RARRES1: variants seen among roughly 807,000 people sequenced by gnomAD.
RARRES1 encodes retinoic acid receptor responder 1, also known as retinoic acid receptor responder protein 1.
A neutral mutation model predicts 30.6 loss-of-function variants in RARRES1; 34 were observed. The ratio of observed to expected loss-of-function variants is 1.11; its 90% CI spans 0.84 to 1.48. The LOEUF (loss-of-function observed/expected upper bound fraction) is 1.48, where lower values mean the gene tolerates loss of function less well. RARRES1 is among the 40% of genes most tolerant of loss of function. The probability of loss-of-function intolerance (pLI) is 0.00; values close to 1 mark genes in which losing one functional copy is unlikely to be tolerated. For missense variants in RARRES1, 373 were observed against 386.5 expected (o/e 0.97, Z 0.29); for synonymous variants, 153 against 155.5 (o/e 0.98, Z 0.12).
At chr3:158,704,756 CT>C in intron 4 of RARRES1, 34 bp downstream of exon 4, 1 of 1,604,522 alleles carries the variant, frequency 6.2e-7, no homozygotes, top group Non-Finnish European at 8.5e-7. Context: ...GATTGTAACT[CT>C]TGTGGCACAA....
In RARRES1 at chr3:158,711,771, T is replaced by A. The variant is rs577526617; in HGVS notation, c.340-838A>T. On this transcript the variant is annotated intron_variant, in intron 2 of 5. Transcript: ENST00000237696. ...CACCATGCCTGGCTAATTGTGTGTA[T>A]TTTTAGTAGAGATGGGGTTTCACTA... Among the ~76,000 whole-genome samples, 5 of 152,192 alleles carry A rather than the reference T, an allele frequency of 3.3e-5. No homozygotes were observed. In the South Asian group the frequency reaches 1.0e-3, roughly 32 times the overall value.
intron 3 of RARRES1, among the ~76,000 whole-genome samples, chr3:158,705,197 G>A (rs375205541): frequency 3.9e-5 from 6 of 152,202 alleles, no homozygotes; most frequent in East Asian, 1.9e-4. Flanking sequence ...TGAAGCCTAC[G>A]TTGTATCAAG....
chr3:158,698,182 ATGTC>A (rs1726610959), intron 4 of RARRES1: 1 of 521,712 alleles, frequency 1.9e-6, no homozygotes, highest in African/African-American at 1.9e-5. Context: ...GTCTGGTTGA[ATGTC>A]TGTCACTTTT....
At chr3:158,716,688 A>G (rs949121146) in intron 1 of RARRES1, among the ~76,000 whole-genome samples, 1 of 151,740 alleles carries the variant, frequency 6.6e-6, no homozygotes, top group East Asian at 1.9e-4. Context: ...GGTTCAAGCA[A>G]TTCTCCTGCC....
chr3:158,732,175 G>C lies in RARRES1; in HGVS notation c.241C>G (p.Arg81Gly). Residue 81 changes from arginine to glycine, a missense_variant, in exon 1 of 6, where the codon CGA (arginine) becomes GGA (glycine). Transcript: ENST00000237696. Reference protein sequence around the residue: ...NFRSGSPSALRVLAEVQEGRA... With the variant: ...NFRSGSPSALGVLAEVQEGRA... Reference sequence around the variant, plus strand: ...CCCTCCTGCACCTCGGCCAGCACTCGTAGCGCGCTGGGCGAGCCGGACCGG... The same window carrying C: ...CCCTCCTGCACCTCGGCCAGCACTCCTAGCGCGCTGGGCGAGCCGGACCGG... 2 of 1,416,208 alleles carry C rather than the reference G, an allele frequency of 1.4e-6. No homozygotes were observed. Among genetic ancestry groups the C allele is most frequent in the South Asian group, 1.5e-5 (1 of 66,472 alleles). The allele number at this position is 1,416,208 out of a possible 1,614,324, so 87.7% of individuals were successfully genotyped here. A position where few individuals can be genotyped will look rare whatever the true frequency, so the allele number is the denominator to read the frequency against.
At chr3:158,730,750 G>C (rs1293231077) in intron 1 of RARRES1, among the ~76,000 whole-genome samples, 2 of 145,458 alleles carry the variant, frequency 1.4e-5, no homozygotes, top group African/African-American at 5.1e-5. Context: ...CCATGCCCCA[G>C]CAGGTTGCCT....
At chr3:158,720,583 G>A (rs568175694) in intron 1 of RARRES1, among the ~76,000 whole-genome samples, 19 of 151,450 alleles carry the variant, frequency 1.3e-4, no homozygotes, top group African/African-American at 4.2e-4. Context: ...GGTGGCTGTC[G>A]ATCTTGGCAT....
rs116708982 is a variant in RARRES1, at chr3:158,708,504, A to G, written c.535+2234T>C. ...GGATTCATTGCTAGGAAGTTTGTAAATTCATTAGAAGTGAAACTTTCACTC... is the reference window on the plus strand; with the variant it reads ...GGATTCATTGCTAGGAAGTTTGTAAGTTCATTAGAAGTGAAACTTTCACTC... On this transcript the variant is annotated intron_variant, in intron 3 of 5. Transcript: ENST00000237696. Among the ~76,000 whole-genome samples the G allele has an allele frequency of 2.5e-3, 385 of 152,334 alleles. 3 individuals carry two copies. The highest frequency in any genetic ancestry group is 8.9e-3 in the African/African-American group (371 of 41,562).
chr3:158,718,134 A>G (rs1727384853), intron 1 of RARRES1, among the ~76,000 whole-genome samples: 1 of 152,038 alleles, frequency 6.6e-6, no homozygotes, highest in African/African-American at 2.4e-5. Flanking sequence ...ACATGCCACC[A>G]GGCCCAGCTA....
At position 158,697,667 on chromosome 3, in the gene RARRES1, A is replaced by AT. The variant is rs1726590254; in HGVS notation, c.*10dup. ...CTTGTTTAGAAGTCGGAAAAAGATC[A>AT]TTTTTTCTTTTTAGAAATTACTAAG... is the stretch of plus-strand genomic sequence containing the variant. On this transcript the variant is annotated 3_prime_UTR_variant, in exon 6 of 6. Transcript: ENST00000237696. 6.2e-7 allele frequency: 1 copy of AT among 1,600,480 alleles called. No homozygotes were observed. Among genetic ancestry groups the AT allele is most frequent in the Non-Finnish European group, 8.5e-7 (1 of 1,171,946 alleles).
At chr3:158,716,447 TTAAGA>T (rs745808963) in intron 1 of RARRES1, among the ~76,000 whole-genome samples, 15 of 152,198 alleles carry the variant, frequency 9.9e-5, no homozygotes, top group Non-Finnish European at 1.9e-4. Context: ...AATACAGGAC[TTAAGA>T]TATGATTTGA....
Position 158,704,852 on chromosome 3 carries a change from C to T in RARRES1, c.611G>A (p.Trp204Ter). 6.2e-7 allele frequency: 1 copy of T among 1,614,042 alleles called. No homozygotes were observed. Among genetic ancestry groups the T allele is most frequent in the African/African-American group, 1.3e-5 (1 of 75,034 alleles). Residue 204 changes from tryptophan (W) to a stop codon, truncating the protein, a stop_gained, in exon 4 of 6, where the codon TGG becomes TAG. Coordinates refer to ENST00000237696, the MANE Select transcript of RARRES1 (RefSeq NM_206963.2). LOFTEE classifies it high-confidence loss of function. ...GTGTGACACCTGTGTTGTCATTTCC[C>T]ACATCACGTAAGAGCTTCCAAGGAA... ...LAFLGSSYVM[W>*]EMTTQVSHYY...
At chr3:158,715,194 C>T (rs1041799277) in intron 1 of RARRES1, among the ~76,000 whole-genome samples, 2 of 152,214 alleles carry the variant, frequency 1.3e-5, no homozygotes, top group Non-Finnish European at 2.9e-5. Context: ...CTGTTAATCA[C>T]CTACTATGCC....
intron 1 of RARRES1, among the ~76,000 whole-genome samples, chr3:158,731,260 G>T (rs958316313): frequency 2.6e-5 from 4 of 152,146 alleles, no homozygotes; most frequent in Non-Finnish European, 4.4e-5. Context: ...TTTAAAACTC[G>T]ACCTATTTAT....
intron 3 of RARRES1, among the ~76,000 whole-genome samples, chr3:158,708,498 T>C (rs1470020466): frequency 6.6e-6 from 1 of 152,190 alleles, no homozygotes; most frequent in Non-Finnish European, 1.5e-5. Context: ...GCTAGGAAGT[T>C]TGTAAATTCA....
chr3:158,703,505 A>G (rs2108131631), intron 4 of RARRES1, among the ~76,000 whole-genome samples: 1 of 152,108 alleles, frequency 6.6e-6, no homozygotes, highest in East Asian at 1.9e-4. Context: ...CTCCTTTATT[A>G]TAGCTAAATT....
Position 158,704,930 on chromosome 3 carries a change from G to C in RARRES1, c.536-3C>G, listed in dbSNP as rs779888681. The C allele has an allele frequency of 6.3e-7, 1 of 1,595,618 alleles. No individual in the cohort carries two copies. Among genetic ancestry groups the C allele is most frequent in the African/African-American group, 1.4e-5 (1 of 73,892 alleles). ...GGGATCAATATGTCCATGATTATCT[G>C]AGAGAGACAAAAAAAGCACATTTGT... On this transcript the variant is annotated splice_region_variant and splice_polypyrimidine_tract_variant and intron_variant, in intron 3 of 5. Transcript: ENST00000237696.
intron 4 of RARRES1, among the ~76,000 whole-genome samples, chr3:158,704,087 T>C (rs1726824260): frequency 6.6e-6 from 1 of 152,144 alleles, no homozygotes; most frequent in Non-Finnish European, 1.5e-5. Context: ...CTCTCATCTC[T>C]GATATCCATA....
At chr3:158,712,948 G>T (rs537455337) in intron 2 of RARRES1, among the ~76,000 whole-genome samples, 49 of 152,310 alleles carry the variant, frequency 3.2e-4, no homozygotes, top group Non-Finnish European at 5.3e-4. Flanking sequence ...ACACTTTAAG[G>T]AAATTTTAAT....
Sources: gnomAD v4.1 joint callset for allele counts (sites outside exome capture counted in the v4.1 genomes callset) on GRCh38, gnomAD v4.1.1 for gene constraint, MANE v1.5 for transcripts, NCBI Gene and HGNC (gene_info 2026-07-23, HGNC 2026-07-21) for gene names.